DOK3: variants seen among roughly 807,000 people sequenced by gnomAD.
DOK3 encodes Dok-like protein.
In DOK3, 23 loss-of-function variants were observed where a neutral mutation model predicts 26.2. The observed-to-expected ratio is 0.88, with a 90% CI of 0.63 to 1.24. DOK3 has a LOEUF of 1.24. DOK3 is among the 50% of genes most tolerant of loss of function. The probability of loss-of-function intolerance (pLI) is 0.00; values close to 1 mark genes in which losing one functional copy is unlikely to be tolerated. For synonymous variants in DOK3, 268 were observed against 268.2 expected (o/e 1.00, Z 0.01); for missense variants, 619 against 610.6 (o/e 1.01, Z -0.15).
intron 3 of DOK3, among the ~76,000 whole-genome samples, chr5:177,506,966 C>A (rs1165521255): frequency 4.6e-5 from 7 of 150,728 alleles, no homozygotes; most frequent in Non-Finnish European, 7.4e-5. Context: ...GATTATAGGC[C>A]TGAGCCACCG....
Position 177,509,474 on chromosome 5 carries a change from C to A in DOK3, c.66+1G>T. ...GCTGCCTGGCAGCCAGGGGTCCCCACCTTGCCAAACTTGACATGCTGCTGG... is the reference window on the plus strand; with the variant it reads ...GCTGCCTGGCAGCCAGGGGTCCCCAACTTGCCAAACTTGACATGCTGCTGG... On this transcript the variant is annotated splice_donor_variant, in intron 2 of 5. Transcript: ENST00000510898. LOFTEE classifies it high-confidence loss of function. The A allele has an allele frequency of 6.2e-7, 1 of 1,607,252 alleles. No individual in the cohort carries two copies. Among genetic ancestry groups the A allele is most frequent in the Non-Finnish European group, 8.5e-7 (1 of 1,176,654 alleles).
At chr5:177,509,981 G>T, upstream of DOK3, 1 of 1,232,354 alleles carries the variant, frequency 8.1e-7, no homozygotes, top group Non-Finnish European at 1.1e-6. Context: ...GTCCTGGTTT[G>T]AGCGCCTCAC....
At position 177,505,103 on chromosome 5, in the gene DOK3, C is replaced by G. The variant is rs769003437; in HGVS notation, c.380G>C (p.Gly127Ala). 1.2e-6 allele frequency: 2 copies of G among 1,607,606 alleles called. No individual in the cohort carries two copies. Among genetic ancestry groups the G allele is most frequent in the Non-Finnish European group, 1.7e-6 (2 of 1,177,358 alleles). Residue 127 changes from glycine to alanine, a missense_variant, in exon 4 of 6, where the codon GGG becomes GCG. Gly to Ala is a moderately conservative substitution (Grantham distance 60). Transcript: ENST00000510898. ...PICQLAFPGT[G>A]EASSGSTDAQ... is the part of the protein sequence containing the mutation. ...ATCTGTGGATCCTGAGGAGGCCTCC[C>G]CTGTCCCCTGGGGAATGAGTTCAAG...
chr5:177,509,856 TTCCCGCCCCTCCCCCG>T (rs765353162), upstream of DOK3: 16 of 1,610,124 alleles, frequency 9.9e-6, no homozygotes, highest in Non-Finnish European at 1.2e-5. Context: ...GAGTCATGAG[TTCCCGCCCCTCCCCCG>T]TCCCGCCCCG....
rs1759770011 is a variant in DOK3 at position 177,504,468 on chromosome 5, T to C, written c.838A>G (p.Thr280Ala). 2 of 1,580,858 alleles carry C rather than the reference T, an allele frequency of 1.3e-6. No homozygotes were observed. Among genetic ancestry groups the C allele is most frequent in the Non-Finnish European group, 8.6e-7 (1 of 1,165,134 alleles). ...PRATSLPSLD[T>A]PGELREMPPG... ...GGCATCTCCCGAAGCTCTCCGGGGG[T>C]GTCCAGGGAGGGCAGAGAGGTGGCC... Residue 280 changes from threonine (T) to alanine (A), a missense_variant, in exon 6 of 6, where the codon ACC (threonine) becomes GCC (alanine). Physicochemically the swap from Thr to Ala is moderately conservative, Grantham distance 58. Transcript: ENST00000510898.
At chr5:177,510,166 T>C (rs1760814976), upstream of DOK3, 6 of 507,102 alleles carry the variant, frequency 1.2e-5, no homozygotes, top group Non-Finnish European at 2.1e-5. Flanking sequence ...CTCCCCTTCC[T>C]GGGGTGCAGC....
At chr5:177,505,146 G>A (rs750842416) in intron 3 of DOK3, 36 bp from the exon 4 acceptor site, 22 of 1,546,570 alleles carry the variant, frequency 1.4e-5, no homozygotes, top group Non-Finnish European at 1.6e-5. Context: ...TGAGAGCACC[G>A]CACTCCCATG....
chr5:177,504,064 A>C lies in DOK3; in HGVS notation c.1242T>G (p.Pro414=). 6.2e-7 allele frequency: 1 copy of C among 1,606,752 alleles called. No homozygotes were observed. Among genetic ancestry groups the C allele is most frequent in the Non-Finnish European group, 8.5e-7 (1 of 1,176,748 alleles). Residue 414 remains proline (P), a synonymous_variant, in exon 6 of 6, where the codon CCT becomes CCG. Transcript: ENST00000510898. The part of the protein sequence containing the change: ...DQVEGTGRPD[P]QAGFKAKLVT... ...CCAGCTTGGCCTTGAAACCTGCCTG[A>C]GGGTCAGGGCGGCCTGTGCCCTCCA...
In DOK3 at chr5:177,503,136, G is replaced by C; in HGVS notation, c.*847C>G. The C allele has an allele frequency of 6.5e-7, 1 of 1,550,310 alleles. No homozygotes were observed. Among genetic ancestry groups the C allele is most frequent in the Non-Finnish European group, 8.7e-7 (1 of 1,146,628 alleles). On this transcript the variant is annotated 3_prime_UTR_variant, in exon 6 of 6. Transcript: ENST00000510898. ...CTGGAGGCATGACGCTTGCGTGCGT[G>C]GCTGGCTCCTAGGATGGCGCCAGGA... is the stretch of plus-strand genomic sequence containing the variant.
chr5:177,508,358 T>G lies in DOK3; in HGVS notation c.251A>C (p.Asp84Ala), dbSNP rs1442256597. Reference sequence around the variant, plus strand: ...GGTGTCCCGGGGGCAGCTCTCGCCGTCAGCCGGCAGCACGGACACACAGTC... The same window carrying G: ...GGTGTCCCGGGGGCAGCTCTCGCCGGCAGCCGGCAGCACGGACACACAGTC... ...LADCVSVLPA[D>A]GESCPRDTGA... The change falls in exon 3 of 6, where the codon GAC (aspartate) becomes GCC (alanine). Residue 84 changes from aspartate to alanine, a missense_variant. Coordinates refer to ENST00000510898, the MANE Select transcript of DOK3 (RefSeq NM_001308236.3). 3 of 1,600,638 alleles carry G rather than the reference T, an allele frequency of 1.9e-6. No homozygotes were observed. The highest frequency in any genetic ancestry group is 2.7e-5 in the African/African-American group (2 of 74,848).
At chr5:177,505,569 T>C (rs1760018259) in intron 3 of DOK3, among the ~76,000 whole-genome samples, 1 of 152,118 alleles carries the variant, frequency 6.6e-6, no homozygotes, top group Non-Finnish European at 1.5e-5. Flanking sequence ...GCTCCTCTAC[T>C]AGCACCACCC....
chr5:177,503,222 T>G lies in DOK3; in HGVS notation c.*761A>C, dbSNP rs558621957. The G allele has an allele frequency of 8.4e-5, 130 of 1,551,612 alleles. 1 individual carries two copies. In the South Asian group the frequency reaches 1.4e-3, roughly 17 times the overall value. ...TCAGGAAACTTCTCTCCCCCTGGAA[T>G]GTCGGCTCCCGGAGAACAGGACCAA... On this transcript the variant is annotated 3_prime_UTR_variant, in exon 6 of 6. Transcript: ENST00000510898.
At chr5:177,509,220 G>C (rs1342336307) in intron 2 of DOK3, 1 of 459,724 alleles carries the variant, frequency 2.2e-6, no homozygotes, top group Non-Finnish European at 3.8e-6. Context: ...TGGGAGGTTT[G>C]AGCCTTCGAC....
At chr5:177,510,220 C>CCTG, upstream of DOK3, 1 of 357,864 alleles carries the variant, frequency 2.8e-6, no homozygotes, top group South Asian at 4.0e-5. Context: ...GTGTTCTGGC[C>CCTG]TGCATCTCCC....
chr5:177,503,332 C>A lies in DOK3; in HGVS notation c.*651G>T, dbSNP rs371005350. ...CTCTCATCAAGGATTATGCCTGATACGTCATCGGTTCTCTCTCCTTTACAG... is the reference window on the plus strand; with the variant it reads ...CTCTCATCAAGGATTATGCCTGATAAGTCATCGGTTCTCTCTCCTTTACAG... On this transcript the variant is annotated 3_prime_UTR_variant, in exon 6 of 6. Transcript: ENST00000510898. 3 of 1,551,274 alleles carry A rather than the reference C, an allele frequency of 1.9e-6. No homozygotes were observed. Among genetic ancestry groups the A allele is most frequent in the South Asian group, 1.2e-5 (1 of 84,050 alleles).
chr5:177,508,099 G>GA, intron 3 of DOK3, 138 bp downstream of exon 3: 1 of 1,138,088 alleles, frequency 8.8e-7, no homozygotes, highest in Non-Finnish European at 1.2e-6. Context: ...ACGGCCCTCT[G>GA]AGAGTCATTA....
chr5:177,503,386 G>T lies in DOK3; in HGVS notation c.*597C>A. The T allele has an allele frequency of 6.5e-7, 1 of 1,535,654 alleles. No homozygotes were observed. Among genetic ancestry groups the T allele is most frequent in the Non-Finnish European group, 8.8e-7 (1 of 1,134,220 alleles). ...AGGAGACTGACGCCTGGGGTTCCCA[G>T]AAGTATCTGCAAATTGTTGGAGTTT... On this transcript the variant is annotated 3_prime_UTR_variant, in exon 6 of 6. Coordinates refer to ENST00000510898, the MANE Select transcript of DOK3 (RefSeq NM_001308236.3).
chr5:177,505,169 C>CTTG, intron 3 of DOK3, 59 bp from the exon 4 acceptor site: 4 of 1,439,112 alleles, frequency 2.8e-6, no homozygotes, highest in Non-Finnish European at 3.8e-6. Flanking sequence ...CTGTCCCCTC[C>CTTG]CCTCAGTATC....
chr5:177,510,260 C>A, upstream of DOK3: 1 of 272,494 alleles, frequency 3.7e-6, no homozygotes, highest in Non-Finnish European at 7.1e-6. Flanking sequence ...GCCCCCTCAC[C>A]ACTGTGCTGC....
Sources: allele counts gnomAD v4.1 joint callset (sites outside exome capture counted in the v4.1 genomes callset), GRCh38; gene constraint gnomAD v4.1.1; transcripts MANE v1.5; gene names NCBI Gene and HGNC (gene_info 2026-07-23, HGNC 2026-07-21).